DPP6: variants seen among roughly 807,000 people sequenced by gnomAD.
DPP6 encodes A-type potassium channel modulatory protein DPP6.
A neutral mutation model predicts 122.6 loss-of-function variants in DPP6; 69 were observed. The ratio of observed to expected loss-of-function variants is 0.56; its 90% CI spans 0.46 to 0.69. DPP6 has a LOEUF of 0.69. Among genes scored for constraint, DPP6 ranks in the 30% least tolerant of loss-of-function variants. DPP6 has a pLI of 0.00. For synonymous variants in DPP6, 418 were observed against 433.1 expected (o/e 0.97, Z 0.43); for missense variants, 928 against 1,116.9 (o/e 0.83, Z 2.41).
intron 1 of DPP6, among the ~76,000 whole-genome samples, chr7:153,994,851 C>G (rs1305581631): frequency 6.6e-6 from 1 of 152,098 alleles, no homozygotes; most frequent in Non-Finnish European, 1.5e-5. Context: ...AGATAAGTTT[C>G]ACTTAACTGG....
At chr7:154,849,693 C>T (rs1802222531) in intron 16 of DPP6, among the ~76,000 whole-genome samples, 1 of 152,154 alleles carries the variant, frequency 6.6e-6, no homozygotes, top group African/African-American at 2.4e-5. Context: ...GCTAAGACTC[C>T]CAGGACTATG....
chr7:154,231,644 A>G (rs1311031232), intron 1 of DPP6, among the ~76,000 whole-genome samples: 2 of 152,182 alleles, frequency 1.3e-5, no homozygotes, highest in Admixed American at 6.5e-5. Flanking sequence ...TGCAAATCAG[A>G]CAGGCAGGCA....
chr7:154,705,015 C>T (rs897592981), intron 7 of DPP6, among the ~76,000 whole-genome samples: 11 of 152,256 alleles, frequency 7.2e-5, no homozygotes, highest in South Asian at 2.1e-4. Flanking sequence ...TACAAGCACA[C>T]GCCATTGATG....
intron 1 of DPP6, among the ~76,000 whole-genome samples, chr7:154,278,746 ATTAAATCAC>A (rs1374508790): frequency 6.6e-6 from 1 of 152,182 alleles, no homozygotes; most frequent in Non-Finnish European, 1.5e-5. Flanking sequence ...CTTTAACCTC[ATTAAATCAC>A]AGTCCTTTAA....
the DPP6 span, among the ~76,000 whole-genome samples, chr7:153,843,779 C>T: frequency 6.6e-6 from 1 of 152,154 alleles, no homozygotes; most frequent in Non-Finnish European, 1.5e-5. Context: ...CTTTCCATAA[C>T]CTATGATTAG....
At chr7:154,479,847 C>T (rs1823099404) in intron 3 of DPP6, among the ~76,000 whole-genome samples, 1 of 152,100 alleles carries the variant, frequency 6.6e-6, no homozygotes, top group African/African-American at 2.4e-5. Flanking sequence ...CCCTCTTTCT[C>T]ATTTCTAGAT....
chr7:154,791,514 C>T (rs1159019679), intron 10 of DPP6, among the ~76,000 whole-genome samples: 1 of 152,118 alleles, frequency 6.6e-6, no homozygotes, highest in African/African-American at 2.4e-5. Context: ...GGAAACCACC[C>T]GCATGATTCA....
the DPP6 span, among the ~76,000 whole-genome samples, chr7:153,814,398 T>G: frequency 7.4e-5 from 1 of 13,546 alleles, no homozygotes; most frequent in Non-Finnish European, 1.2e-4. Flanking sequence ...CTCCCAAGAC[T>G]CTAAACCAGG....
At chr7:154,084,969 G>A (rs1467860849) in intron 1 of DPP6, among the ~76,000 whole-genome samples, 4 of 113,202 alleles carry the variant, frequency 3.5e-5, no homozygotes, top group African/African-American at 3.6e-5. Flanking sequence ...CAGCCTGGGC[G>A]ACAGAGCGAG....
chr7:154,118,054 T>C (rs71532637), intron 1 of DPP6, among the ~76,000 whole-genome samples: 8,536 of 142,772 alleles, frequency 0.06, 546 homozygotes, highest in Middle Eastern at 0.14. Flanking sequence ...AAACAAGAGA[T>C]GCCTGCTGGT....
chr7:154,178,624 A>T (rs992666927), intron 1 of DPP6, among the ~76,000 whole-genome samples: 1 of 152,184 alleles, frequency 6.6e-6, no homozygotes, highest in Non-Finnish European at 1.5e-5. Context: ...AGACATAGAC[A>T]TCTGTCTGTT....
intron 8 of DPP6, among the ~76,000 whole-genome samples, chr7:154,766,587 G>T (rs1430048170): frequency 6.6e-6 from 1 of 152,188 alleles, no homozygotes; most frequent in South Asian, 2.1e-4. Flanking sequence ...GATTAAAGGC[G>T]TGTCTCTAAG....
At chr7:153,958,057 A>G (rs1396327603) in intron 1 of DPP6, among the ~76,000 whole-genome samples, 1 of 152,080 alleles carries the variant, frequency 6.6e-6, no homozygotes, top group African/African-American at 2.4e-5. Context: ...CCAGCTACCC[A>G]GGAGGCTAAG....
chr7:154,837,839 T>G (rs989692449), intron 16 of DPP6, among the ~76,000 whole-genome samples: 1 of 152,224 alleles, frequency 6.6e-6, no homozygotes, highest in African/African-American at 2.4e-5. Context: ...TTCCCCAGTA[T>G]TGGTGAGGTT....
intron 7 of DPP6, among the ~76,000 whole-genome samples, chr7:154,685,650 G>A (rs758570890): frequency 6.6e-6 from 1 of 152,162 alleles, no homozygotes; most frequent in Non-Finnish European, 1.5e-5. Flanking sequence ...CCATCACAAG[G>A]GAGGTGCTGA....
chr7:154,554,205 G>C (rs554536443), intron 4 of DPP6, among the ~76,000 whole-genome samples: 1 of 143,928 alleles, frequency 6.9e-6, no homozygotes, highest in East Asian at 2.3e-4. Context: ...CAAGGGTTCT[G>C]TCTTTCTCAT....
chr7:154,192,826 C>T (rs1222035409), intron 1 of DPP6, among the ~76,000 whole-genome samples: 2 of 152,134 alleles, frequency 1.3e-5, no homozygotes, highest in African/African-American at 2.4e-5. Flanking sequence ...AAGCAGGTGG[C>T]GGGGAGTTGG....
intron 5 of DPP6, among the ~76,000 whole-genome samples, chr7:154,597,160 A>G (rs1833142369): frequency 2.4e-5 from 3 of 123,986 alleles, no homozygotes; most frequent in Admixed American, 8.4e-5. Flanking sequence ...ACAGAGACAG[A>G]GAGGGAGAGA....
At chr7:154,401,660 G>A (rs1218661781) in intron 1 of DPP6, among the ~76,000 whole-genome samples, 1 of 152,096 alleles carries the variant, frequency 6.6e-6, no homozygotes, top group Non-Finnish European at 1.5e-5. Context: ...GAAAACCTAG[G>A]CATTACCATT....
Sources: allele counts gnomAD v4.1 joint callset (sites outside exome capture counted in the v4.1 genomes callset), GRCh38; gene constraint gnomAD v4.1.1; transcripts MANE v1.5; gene names NCBI Gene and HGNC (gene_info 2026-07-23, HGNC 2026-07-21).